KIAA1217: variants seen among roughly 807,000 people sequenced by gnomAD.
KIAA1217 encodes the protein KIAA1217.
A neutral mutation model predicts 163.9 loss-of-function variants in KIAA1217; 88 were observed. That is an observed-to-expected ratio of 0.54 (90% CI 0.45 to 0.64). The LOEUF (loss-of-function observed/expected upper bound fraction) is 0.64. Ranked by LOEUF, KIAA1217 falls within the 30% of genes least tolerant of loss-of-function variation. KIAA1217 has a pLI of 0.00. For missense variants in KIAA1217, 2,372 were observed against 2,475.0 expected (o/e 0.96, Z 0.88); for synonymous variants, 903 against 923.1 (o/e 0.98, Z 0.39).
At chr10:23,749,261 A>T (rs537911401) in intron 1 of KIAA1217, among the ~76,000 whole-genome samples, 30 of 152,296 alleles carry the variant, frequency 2.0e-4, no homozygotes, top group African/African-American at 6.7e-4. Context: ...ACTTGGCAGC[A>T]TGTACCAATT....
intron 1 of KIAA1217, among the ~76,000 whole-genome samples, chr10:23,797,753 C>T (rs953945328): frequency 6.6e-6 from 1 of 152,176 alleles, no homozygotes; most frequent in Non-Finnish European, 1.5e-5. Flanking sequence ...GATCCCATCA[C>T]CTCCCACCAG....
At chr10:24,256,242 G>A (rs1025850437) in intron 2 of KIAA1217, among the ~76,000 whole-genome samples, 2 of 152,140 alleles carry the variant, frequency 1.3e-5, no homozygotes, top group African/African-American at 2.4e-5. Context: ...CACACAGACA[G>A]TGTTGATCTG....
intron 2 of KIAA1217, among the ~76,000 whole-genome samples, chr10:24,358,696 A>G (rs1003707818): frequency 2.6e-5 from 4 of 152,240 alleles, no homozygotes; most frequent in African/African-American, 9.6e-5. Context: ...GGTTGGCCAT[A>G]GTGAAAACTG....
In KIAA1217 at chr10:24,250,935, A is replaced by G. The variant is rs550083292; in HGVS notation, c.354+31026A>G. On this transcript the variant is annotated intron_variant, in intron 2 of 20. Coordinates refer to ENST00000376454, the MANE Select transcript of KIAA1217 (RefSeq NM_019590.5). ...AAGACCCTGTCTTCACAGAAAAATGAAAAAAATTAGGCCAGGTGCTATGGC... is the reference window on the plus strand; with the variant it reads ...AAGACCCTGTCTTCACAGAAAAATGGAAAAAATTAGGCCAGGTGCTATGGC... 5.9e-4 allele frequency among the ~76,000 whole-genome samples: 90 copies of G among 151,606 alleles called. 1 individual carries two copies. Among genetic ancestry groups the G allele is most frequent in the African/African-American group, 2.1e-3 (87 of 41,336 alleles).
intron 1 of KIAA1217, among the ~76,000 whole-genome samples, chr10:23,968,436 C>T (rs1289318019): frequency 1.3e-5 from 2 of 152,160 alleles, no homozygotes; most frequent in Non-Finnish European, 2.9e-5. Context: ...GGAAAGCACC[C>T]AGTGCTGTCT....
intron 2 of KIAA1217, among the ~76,000 whole-genome samples, chr10:24,175,995 G>A (rs192947470): frequency 4.6e-5 from 7 of 152,168 alleles, no homozygotes; most frequent in Non-Finnish European, 1.0e-4. Flanking sequence ...CACTGTGGAA[G>A]GGGACCCAAG....
intron 11 of KIAA1217, among the ~76,000 whole-genome samples, chr10:24,521,072 G>A (rs193046060): frequency 2.1e-5 from 3 of 143,378 alleles, no homozygotes; most frequent in African/African-American, 7.9e-5. Context: ...CTGGCCAGGC[G>A]TAGTGGCTCA....
intron 1 of KIAA1217, among the ~76,000 whole-genome samples, chr10:23,722,326 C>T (rs1242664341): frequency 2.0e-5 from 3 of 151,956 alleles, no homozygotes; most frequent in South Asian, 4.2e-4. Flanking sequence ...GTACTTGAAG[C>T]AATTGAACTG....
chr10:24,538,885 C>T (rs1344159132), intron 17 of KIAA1217, among the ~76,000 whole-genome samples: 2 of 151,754 alleles, frequency 1.3e-5, no homozygotes, highest in African/African-American at 2.4e-5. Context: ...AGGCGCCTGC[C>T]ACCATGCCTA....
intron 10 of KIAA1217, among the ~76,000 whole-genome samples, chr10:24,516,731 G>A (rs1185951396): frequency 1.3e-5 from 2 of 152,228 alleles, no homozygotes; most frequent in Non-Finnish European, 1.5e-5. Flanking sequence ...GGAAGCTACT[G>A]TATCCGTCAG....
At chr10:23,860,695 T>A (rs982051081) in intron 1 of KIAA1217, among the ~76,000 whole-genome samples, 21 of 152,162 alleles carry the variant, frequency 1.4e-4, no homozygotes, top group Admixed American at 1.4e-3. Context: ...TGATGTTAAC[T>A]GTTATTAAGG....
At chr10:23,756,891 C>T (rs1426515045) in intron 1 of KIAA1217, among the ~76,000 whole-genome samples, 5 of 152,128 alleles carry the variant, frequency 3.3e-5, no homozygotes, top group Admixed American at 6.5e-5. Context: ...CTTGCAAAGT[C>T]GAAATGCTAT....
At chr10:24,358,378 T>C (rs1418266603) in intron 2 of KIAA1217, among the ~76,000 whole-genome samples, 1 of 152,164 alleles carries the variant, frequency 6.6e-6, no homozygotes, top group Non-Finnish European at 1.5e-5. Flanking sequence ...CCCAGGCACT[T>C]TGTAGAACAC....
intron 1 of KIAA1217, among the ~76,000 whole-genome samples, chr10:23,699,337 G>T (rs1291844537): frequency 3.3e-5 from 5 of 152,204 alleles, no homozygotes; most frequent in Non-Finnish European, 7.3e-5. Flanking sequence ...GACACAGAAG[G>T]GACTGCGAAG....
At chr10:24,327,841 A>G (rs2045127354) in intron 2 of KIAA1217, among the ~76,000 whole-genome samples, 1 of 152,216 alleles carries the variant, frequency 6.6e-6, no homozygotes, top group African/African-American at 2.4e-5. Context: ...GACTGTGATC[A>G]CAGCTAACAA....
intron 6 of KIAA1217, among the ~76,000 whole-genome samples, chr10:24,477,937 A>G (rs1046811792): frequency 6.6e-6 from 1 of 152,218 alleles, no homozygotes; most frequent in African/African-American, 2.4e-5. Flanking sequence ...GCTTAACTTC[A>G]TGAGCACAGG....
chr10:23,760,583 G>A (rs1203792377), intron 1 of KIAA1217, among the ~76,000 whole-genome samples: 1 of 152,108 alleles, frequency 6.6e-6, no homozygotes, highest in African/African-American at 2.4e-5. Flanking sequence ...AAGAAGAATA[G>A]GAATAGGATA....
At position 23,934,615 on chromosome 10, in the gene KIAA1217, A is replaced by T. The variant is rs1564545893; in HGVS notation, c.-320-72610A>T. Among the ~76,000 whole-genome samples the T allele has an allele frequency of 1.0e-4, 7 of 68,004 alleles. 1 individual carries two copies. The highest frequency in any genetic ancestry group is 3.9e-4 in the African/African-American group (3 of 7,712). 44.6% of individuals were successfully genotyped at this position (68,004 alleles called of 152,430 possible). A position where few individuals can be genotyped will look rare whatever the true frequency, so the allele number is the denominator to read the frequency against. On this transcript the variant is annotated intron_variant, in intron 1 of 18. Coordinates refer to the KIAA1217 transcript ENST00000376462. The stretch of plus-strand genomic sequence containing the variant: ...TGTATATATATATATATGTATATAT[A>T]TATATATATATTTTTTTTTTGAGAC...
chr10:23,847,355 G>A (rs185191377), intron 1 of KIAA1217, among the ~76,000 whole-genome samples: 14 of 151,728 alleles, frequency 9.2e-5, no homozygotes, highest in Non-Finnish European at 7.4e-5. Flanking sequence ...GCTGTAATTC[G>A]GTCTCGTCCT....
Sources: gnomAD v4.1 joint callset for allele counts (sites outside exome capture counted in the v4.1 genomes callset) on GRCh38, gnomAD v4.1.1 for gene constraint, MANE v1.5 for transcripts, NCBI Gene and HGNC (gene_info 2026-07-23, HGNC 2026-07-21) for gene names.